Variants in TMEM63C observed in about 807,000 individuals in gnomAD.
TMEM63C encodes the protein transmembrane protein 63C, also known as osmosensitive cation channel TMEM63C.
A neutral mutation model predicts 99.2 loss-of-function variants in TMEM63C; 32 were observed. The observed-to-expected ratio is 0.32, with a 90% confidence interval of 0.24 to 0.43. TMEM63C has a LOEUF of 0.43. Ranked by LOEUF, TMEM63C falls within the 20% of genes least tolerant of loss-of-function variation. The probability of loss-of-function intolerance (pLI) is 1.00; values close to 1 mark genes in which losing one functional copy is unlikely to be tolerated. For synonymous variants in TMEM63C, 376 were observed against 397.9 expected, an observed-to-expected ratio of 0.94 and a Z score of 0.66; for missense variants, 826 against 1,053.0, an observed-to-expected ratio of 0.78 and a Z score of 2.98.
At chr14:77,189,220 C>T (rs989656196) in intron 1 of TMEM63C, among the ~76,000 whole-genome samples, 1 of 151,626 alleles carries the variant, frequency 6.6e-6, no homozygotes, top group Non-Finnish European at 1.5e-5. Context: ...AGCGATCATT[C>T]CACCTCAGCC....
chr14:77,243,035 C>T lies in TMEM63C; in HGVS notation c.1320C>T (p.Thr440=), dbSNP rs750600332. The T allele has an allele frequency of 4.3e-5, 70 of 1,613,724 alleles. No individual in the cohort carries two copies. The highest frequency in any genetic ancestry group is 5.8e-5 in the Non-Finnish European group (69 of 1,179,892). Reference sequence around the variant, plus strand: ...ACACTATCGACATGTACAACGTCACCCGCCCCATCGAGAAGCTGCAGGTGC... The same window carrying T: ...ACACTATCGACATGTACAACGTCACTCGCCCCATCGAGAAGCTGCAGGTGC... ...IMNTIDMYNV[T]RPIEKLQNPI... The change falls in exon 15 of 24, where the codon ACC becomes ACT. Residue 440 remains threonine, a synonymous_variant. Transcript: ENST00000298351.
chr14:77,240,597 G>A lies in TMEM63C; in HGVS notation c.1053G>A (p.Arg351=). 1 of 1,609,718 alleles carries A rather than the reference G, an allele frequency of 6.2e-7. No individual in the cohort carries two copies. Among genetic ancestry groups the A allele is most frequent in the Non-Finnish European group, 8.5e-7 (1 of 1,179,830 alleles). Residue 351 remains arginine, a synonymous_variant, in exon 13 of 24, where the codon AGG becomes AGA. Transcript: ENST00000298351. The stretch of plus-strand genomic sequence containing the variant: ...TCTTTGTCACCTTCCAGGACTCCAG[G>A]ATGGCCAAGCGGTGAGCACCAGGCA... The part of the protein sequence containing the change: ...DLIFVTFQDS[R]MAKRVRKDYK...
intron 9 of TMEM63C, among the ~76,000 whole-genome samples, chr14:77,237,695 G>A (rs1889086085): frequency 6.6e-6 from 1 of 152,226 alleles, no homozygotes; most frequent in Non-Finnish European, 1.5e-5. Flanking sequence ...CCCCAAGGCC[G>A]GGAAAGAGCA....
chr14:77,237,912 A>C (rs886529466), intron 9 of TMEM63C, among the ~76,000 whole-genome samples: 3 of 152,160 alleles, frequency 2.0e-5, no homozygotes, highest in Non-Finnish European at 4.4e-5. Context: ...CCGTCCATTC[A>C]AAAGGACTGA....
At chr14:77,240,881 C>T (rs552664509) in intron 13 of TMEM63C, among the ~76,000 whole-genome samples, 1 of 152,108 alleles carries the variant, frequency 6.6e-6, no homozygotes, top group South Asian at 2.1e-4. Context: ...CCTTTGACCT[C>T]ATGGTCCCTC....
intron 6 of TMEM63C, among the ~76,000 whole-genome samples, chr14:77,230,540 G>A (rs1888919415): frequency 6.6e-6 from 1 of 152,178 alleles, no homozygotes; most frequent in African/African-American, 2.4e-5. Context: ...CGCAGCAGGA[G>A]GTGAGCGAGC....
At chr14:77,211,241 C>T (rs1020792218) in intron 1 of TMEM63C, among the ~76,000 whole-genome samples, 1 of 152,208 alleles carries the variant, frequency 6.6e-6, no homozygotes, top group African/African-American at 2.4e-5. Context: ...CAGAGGGTTA[C>T]AAATGGTCTG....
chr14:77,206,303 G>C (rs1024014595), intron 1 of TMEM63C, among the ~76,000 whole-genome samples: 1 of 152,182 alleles, frequency 6.6e-6, no homozygotes, highest in Non-Finnish European at 1.5e-5. Context: ...TGCCAGGGAG[G>C]CCTCCAAGTC....
At chr14:77,198,673 G>A (rs951470912) in intron 1 of TMEM63C, among the ~76,000 whole-genome samples, 9 of 152,196 alleles carry the variant, frequency 5.9e-5, no homozygotes, top group Non-Finnish European at 7.3e-5. Context: ...CCTGGCCTCC[G>A]CTCTGAGATA....
At chr14:77,214,839 C>T (rs74589064) in intron 2 of TMEM63C, among the ~76,000 whole-genome samples, 13,434 of 151,818 alleles carry the variant, frequency 0.088, 834 homozygotes, top group African/African-American at 0.18. Context: ...ATCCCACTTT[C>T]AGCATGCCAC....
At chr14:77,199,035 ATG>A (rs1479910602) in intron 1 of TMEM63C, among the ~76,000 whole-genome samples, 5 of 152,222 alleles carry the variant, frequency 3.3e-5, no homozygotes, top group African/African-American at 1.2e-4. Flanking sequence ...ACAGCATATT[ATG>A]GATGATGTAT....
At chr14:77,195,020 G>A (rs1888192207) in intron 1 of TMEM63C, among the ~76,000 whole-genome samples, 1 of 152,074 alleles carries the variant, frequency 6.6e-6, no homozygotes, top group Non-Finnish European at 1.5e-5. Context: ...CTAGGAGGCG[G>A]AGGCGAGAGG....
At chr14:77,240,418 C>T in intron 12 of TMEM63C, 57 bp from the exon 13 acceptor site, 1 of 1,551,284 alleles carries the variant, frequency 6.4e-7, no homozygotes, top group Non-Finnish European at 8.7e-7. Flanking sequence ...AACCTCGTGA[C>T]CAGGGAGGCC....
chr14:77,215,349 C>T (rs543034054), intron 2 of TMEM63C, among the ~76,000 whole-genome samples: 24 of 152,126 alleles, frequency 1.6e-4, no homozygotes, highest in African/African-American at 5.5e-4. Flanking sequence ...ACCTGTAATC[C>T]CAGCACTTTG....
At chr14:77,250,114 C>T (rs943380085) in intron 21 of TMEM63C, among the ~76,000 whole-genome samples, 1 of 152,212 alleles carries the variant, frequency 6.6e-6, no homozygotes, top group Non-Finnish European at 1.5e-5. Context: ...GGATTATAAG[C>T]GTAAGCCGCC....
intron 6 of TMEM63C, among the ~76,000 whole-genome samples, chr14:77,230,831 A>G (rs1196488142): frequency 1.3e-5 from 2 of 152,170 alleles, no homozygotes; most frequent in African/African-American, 2.4e-5. Context: ...TTCATGATTT[A>G]TATATCACAG....
At position 77,244,338 on chromosome 14, in the gene TMEM63C, TC is replaced by T. The variant is rs766716989; in HGVS notation, c.1342-6del. ...ACGTCTCTCCTGCCGTCCTCCCCTC[TC>T]CCCCTGCAGAACCCAATTGTGACCC... On this transcript the variant is annotated splice_polypyrimidine_tract_variant and intron_variant, in intron 15 of 23. Transcript: ENST00000298351. 3.8e-6 allele frequency: 6 copies of T among 1,599,246 alleles called. No individual in the cohort carries two copies. Among genetic ancestry groups the T allele is most frequent in the South Asian group, 3.3e-5 (3 of 90,606 alleles).
At chr14:77,193,040 C>T (rs1044078641) in intron 1 of TMEM63C, among the ~76,000 whole-genome samples, 2 of 152,152 alleles carry the variant, frequency 1.3e-5, no homozygotes, top group African/African-American at 4.8e-5. Flanking sequence ...TTGCAATACA[C>T]ATGACAAGAA....
chr14:77,189,173 G>A (rs1504521), intron 1 of TMEM63C, among the ~76,000 whole-genome samples: 48,986 of 151,230 alleles, frequency 0.32, 9,406 homozygotes, highest in East Asian at 0.67. Flanking sequence ...GGAGTGGTGC[G>A]ATCTTGACTC....
Sources: gnomAD v4.1 joint callset for allele counts (sites outside exome capture counted in the v4.1 genomes callset) on GRCh38, gnomAD v4.1.1 for gene constraint, MANE v1.5 for transcripts, NCBI Gene and HGNC (gene_info 2026-07-23, HGNC 2026-07-21) for gene names.